ELMO1: variants seen among roughly 807,000 people sequenced by gnomAD.
ELMO1 encodes the protein engulfment and cell motility protein 1.
A neutral mutation model predicts 98.9 loss-of-function variants in ELMO1; 26 were observed. The ratio of observed to expected loss-of-function variants is 0.26; its 90% confidence interval spans 0.19 to 0.36. The LOEUF (loss-of-function observed/expected upper bound fraction) is 0.36. Among genes scored for constraint, ELMO1 ranks in the 10% least tolerant of loss-of-function variants. The pLI is 1.00. For synonymous variants in ELMO1, 346 were observed against 346.0 expected (o/e 1.00, Z 0.00); for missense variants, 627 against 935.2 (o/e 0.67, Z 4.30).
chr7:36,940,966 T>A (rs933504566), intron 16 of ELMO1, among the ~76,000 whole-genome samples: 18 of 152,230 alleles, frequency 1.2e-4, no homozygotes, highest in Admixed American at 2.6e-4. Flanking sequence ...AAGGAAAAGA[T>A]AACTTATAGC....
rs781073255 is a variant in ELMO1, at chr7:37,233,214, A to C, written c.450-20T>G. The C allele has an allele frequency of 6.2e-7, 1 of 1,604,560 alleles. No homozygotes were observed. Among genetic ancestry groups the C allele is most frequent in the East Asian group, 2.2e-5 (1 of 44,708 alleles). ...CCAAAGCTGAAAAAGACAGAGAGGC[A>C]CAAGAGTCAAGAGCCCCAAAGCTGA... On this transcript the variant is annotated intron_variant, in intron 7 of 21. Transcript: ENST00000310758.
intron 15 of ELMO1, among the ~76,000 whole-genome samples, chr7:37,043,123 A>C (rs1425195056): frequency 6.6e-6 from 1 of 152,194 alleles, no homozygotes. Context: ...TGCTCTCCGC[A>C]GACAATGCCG....
chr7:37,176,569 T>C (rs147314594), intron 13 of ELMO1, among the ~76,000 whole-genome samples: 135 of 152,226 alleles, frequency 8.9e-4, no homozygotes, highest in African/African-American at 3.0e-3. Flanking sequence ...ATCAACCCAA[T>C]GGAATGAACA....
rs144311290 is a variant in ELMO1 at position 37,347,790 on chromosome 7, T to C, written c.-73-5027A>G. On this transcript the variant is annotated intron_variant, in intron 1 of 21. Coordinates refer to ENST00000310758, the MANE Select transcript of ELMO1 (RefSeq NM_014800.11). ...TAAGCTAGCAAATCCTCTAGGCAGA[T>C]TACCGATGATCAGGGCAACCTATCC... is the stretch of plus-strand genomic sequence containing the variant. Among the ~76,000 whole-genome samples the C allele has an allele frequency of 1.3e-3, 199 of 152,224 alleles. 2 individuals carry two copies. Among genetic ancestry groups the C allele is most frequent in the African/African-American group, 4.6e-3 (190 of 41,534 alleles).
intron 4 of ELMO1, among the ~76,000 whole-genome samples, chr7:37,312,534 G>A (rs1346096279): frequency 6.6e-6 from 1 of 152,170 alleles, no homozygotes; most frequent in African/African-American, 2.4e-5. Flanking sequence ...CCCAGAGGGT[G>A]CCTTAAAAAT....
intron 13 of ELMO1, among the ~76,000 whole-genome samples, chr7:37,143,193 C>A (rs1486310737): frequency 1.3e-5 from 2 of 152,126 alleles, no homozygotes; most frequent in African/African-American, 2.4e-5. Flanking sequence ...TGTCATTATC[C>A]CCCAAAGGAA....
chr7:37,207,325 T>G (rs957377079), intron 13 of ELMO1, among the ~76,000 whole-genome samples: 3 of 152,056 alleles, frequency 2.0e-5, no homozygotes, highest in African/African-American at 4.8e-5. Context: ...CCAAAGTGGG[T>G]GGTTCACCTG....
intron 16 of ELMO1, among the ~76,000 whole-genome samples, chr7:36,899,545 A>G (rs1366433950): frequency 6.6e-6 from 1 of 152,174 alleles, no homozygotes; most frequent in African/African-American, 2.4e-5. Flanking sequence ...GCAAACAGAC[A>G]GGTACTAGCT....
At chr7:36,884,182 G>C (rs777318357) in intron 18 of ELMO1, among the ~76,000 whole-genome samples, 11 of 152,032 alleles carry the variant, frequency 7.2e-5, no homozygotes, top group Non-Finnish European at 1.0e-4. Flanking sequence ...AATTACCCGG[G>C]CATGGTGGCG....
intron 14 of ELMO1, among the ~76,000 whole-genome samples, chr7:37,127,726 T>G (rs2129294364): frequency 6.6e-6 from 1 of 152,286 alleles, no homozygotes; most frequent in Non-Finnish European, 1.5e-5. Flanking sequence ...TCTTAAGTAT[T>G]TCTTATTATT....
chr7:37,342,927 C>T lies in ELMO1; in HGVS notation c.-73-164G>A, dbSNP rs1415184789. Reference sequence around the variant, plus strand: ...GGGGCACAGCCAACGGTACAATGGGCTCCTGAGGAAAGAAGAAAGATGGGG... The same window carrying T: ...GGGGCACAGCCAACGGTACAATGGGTTCCTGAGGAAAGAAGAAAGATGGGG... On this transcript the variant is annotated intron_variant, in intron 1 of 21. Coordinates refer to ENST00000310758, the MANE Select transcript of ELMO1 (RefSeq NM_014800.11). This position sits in a 1 kb window ranked among gnomAD's most constrained non-coding sequence, Gnocchi z 4.3. 12 of 440,350 alleles carry T rather than the reference C, an allele frequency of 2.7e-5. No individual in the cohort carries two copies. Among genetic ancestry groups the T allele is most frequent in the African/African-American group, 2.3e-4 (11 of 48,660 alleles). The allele number at this position is 440,350 out of a possible 1,614,324, so 27.3% of individuals were successfully genotyped here. A position where few individuals can be genotyped will look rare whatever the true frequency, so the allele number is the denominator to read the frequency against.
At chr7:37,273,556 A>C (rs892262837) in intron 4 of ELMO1, among the ~76,000 whole-genome samples, 2 of 152,226 alleles carry the variant, frequency 1.3e-5, no homozygotes, top group Non-Finnish European at 2.9e-5. Context: ...AGTTGTTTAT[A>C]GCAGTGTAAG....
chr7:37,147,095 T>TA (rs911033849), intron 13 of ELMO1, among the ~76,000 whole-genome samples: 5 of 152,006 alleles, frequency 3.3e-5, no homozygotes, highest in African/African-American at 4.8e-5. Context: ...TGAAGTCCCA[T>TA]AAAAAAGAGT....
intron 6 of ELMO1, among the ~76,000 whole-genome samples, chr7:37,251,787 A>G (rs1795361843): frequency 6.6e-6 from 1 of 152,344 alleles, no homozygotes; most frequent in Admixed American, 6.5e-5. Context: ...CAGTAAGTCA[A>G]ATTGTCTCTG....
At chr7:37,131,350 G>C (rs1786908145) in intron 14 of ELMO1, among the ~76,000 whole-genome samples, 2 of 152,082 alleles carry the variant, frequency 1.3e-5, no homozygotes, top group African/African-American at 4.8e-5. Context: ...TTTAAGTCCT[G>C]ATCAAATATA....
At chr7:36,868,239 G>C (rs542102073) in intron 20 of ELMO1, among the ~76,000 whole-genome samples, 7 of 152,214 alleles carry the variant, frequency 4.6e-5, no homozygotes, top group African/African-American at 1.7e-4. Context: ...TTGGACATCT[G>C]ACTTTCCACA....
At chr7:37,239,695 G>A (rs1302899757) in intron 7 of ELMO1, among the ~76,000 whole-genome samples, 1 of 150,144 alleles carries the variant, frequency 6.7e-6, no homozygotes, top group East Asian at 2.0e-4. Flanking sequence ...GCGAAGGGAA[G>A]GGGAAGAAGC....
chr7:37,054,931 T>C (rs1446201238), intron 15 of ELMO1, among the ~76,000 whole-genome samples: 1 of 152,238 alleles, frequency 6.6e-6, no homozygotes, highest in East Asian at 1.9e-4. Flanking sequence ...TTTCCAACCA[T>C]TCATGAACAT....
chr7:37,133,261 G>A, intron 13 of ELMO1, 27 bp from the exon 14 acceptor site: 1 of 1,569,844 alleles, frequency 6.4e-7, no homozygotes, highest in Non-Finnish European at 8.7e-7. Context: ...ATCATGATAA[G>A]GTGAATTCTT....
Sources: allele counts gnomAD v4.1 joint callset (sites outside exome capture counted in the v4.1 genomes callset), GRCh38; gene constraint gnomAD v4.1.1; non-coding constraint Gnocchi (gnomAD v3.1); transcripts MANE v1.5; gene names NCBI Gene and HGNC (gene_info 2026-07-23, HGNC 2026-07-21).